The following RALGAPA1 variants were observed in gnomAD, a reference collection of about 807,000 sequenced individuals.
RALGAPA1 encodes ral GTPase-activating protein subunit alpha-1.
Under a neutral mutation model 269.6 loss-of-function variants are expected in RALGAPA1, and 52 were observed. The observed-to-expected ratio is 0.19, with a 90% CI of 0.15 to 0.24. The LOEUF is 0.24. RALGAPA1 is among the 10% of genes least tolerant of loss of function. The pLI is 1.00. For missense variants in RALGAPA1, 1,917 were observed against 3,013.9 expected, an observed-to-expected ratio of 0.64 and a Z score of 8.52; for synonymous variants, 817 against 1,008.3, an observed-to-expected ratio of 0.81 and a Z score of 3.60.
chr14:35,594,094 C>T (rs1221827892), intron 37 of RALGAPA1, among the ~76,000 whole-genome samples: 2 of 152,080 alleles, frequency 1.3e-5, no homozygotes, highest in Middle Eastern at 3.4e-3. Flanking sequence ...AAGAATAAAA[C>T]TGAATCCTTA....
At chr14:35,690,281 G>GC (rs1336068064) in intron 17 of RALGAPA1, among the ~76,000 whole-genome samples, 1 of 152,146 alleles carries the variant, frequency 6.6e-6, no homozygotes, top group Non-Finnish European at 1.5e-5. Flanking sequence ...ATTTGGAAGT[G>GC]CAGATAAAGA....
intron 37 of RALGAPA1, among the ~76,000 whole-genome samples, chr14:35,589,185 A>G (rs2058486880): frequency 6.6e-6 from 1 of 152,208 alleles, no homozygotes; most frequent in African/African-American, 2.4e-5. Flanking sequence ...TTCATTATAA[A>G]TTTGATGATA....
At chr14:35,677,925 T>G in intron 22 of RALGAPA1, 25 bp downstream of exon 22, 1 of 1,608,810 alleles carries the variant, frequency 6.2e-7, no homozygotes, top group Non-Finnish European at 8.5e-7. Flanking sequence ...AGAAAAAAGG[T>G]AAATATCTAA....
At chr14:35,792,817 GAGAAAGAAAGAA>G (rs72124498) in intron 1 of RALGAPA1, among the ~76,000 whole-genome samples, 3 of 119,774 alleles carry the variant, frequency 2.5e-5, no homozygotes, top group Non-Finnish European at 5.0e-5. Flanking sequence ...AAGAAAGAAA[GAGAAAGAAAGAA>G]AGAAAGAAAG....
intron 1 of RALGAPA1, among the ~76,000 whole-genome samples, chr14:35,799,539 G>A (rs143998361): frequency 0.022 from 3,335 of 150,826 alleles, 124 homozygotes; most frequent in South Asian, 0.14. Context: ...TCCAGCCTGG[G>A]CAACAGAGCG....
At chr14:35,660,710 G>C (rs1451216432) in intron 27 of RALGAPA1, among the ~76,000 whole-genome samples, 1 of 151,984 alleles carries the variant, frequency 6.6e-6, no homozygotes, top group Non-Finnish European at 1.5e-5. Flanking sequence ...GTCCCTTGAA[G>C]GACTAATGGA....
chr14:35,741,210 C>T (rs2071513861), intron 11 of RALGAPA1, among the ~76,000 whole-genome samples: 1 of 152,000 alleles, frequency 6.6e-6, no homozygotes, highest in Admixed American at 6.6e-5. Flanking sequence ...GGGGTAGGCT[C>T]ATTATATATG....
intron 33 of RALGAPA1, among the ~76,000 whole-genome samples, chr14:35,632,500 T>C (rs879425976): frequency 2.0e-5 from 3 of 152,194 alleles, no homozygotes; most frequent in Non-Finnish European, 4.4e-5. Context: ...TTCACTGCAC[T>C]GTAATAGAAC....
chr14:35,715,143 T>C lies in RALGAPA1; in HGVS notation c.2266+6545A>G, dbSNP rs2068702259. On this transcript the variant is annotated intron_variant, in intron 16 of 41. Coordinates refer to ENST00000680220, the MANE Select transcript of RALGAPA1 (RefSeq NM_001346249.2). ...GCTTTAATAAATTCTCTGTCATTCTTGAAATACTGCCTCTCCTTCATTCTC... is the reference window on the plus strand; with the variant it reads ...GCTTTAATAAATTCTCTGTCATTCTCGAAATACTGCCTCTCCTTCATTCTC... Among the ~76,000 whole-genome samples, 3 of 152,280 alleles carry C rather than the reference T, an allele frequency of 2.0e-5. No homozygotes were observed. The South Asian group carries it at 6.2e-4, about 32-fold the overall frequency.
At chr14:35,792,072 AT>A (rs1228090717) in intron 1 of RALGAPA1, among the ~76,000 whole-genome samples, 3 of 152,166 alleles carry the variant, frequency 2.0e-5, no homozygotes. Flanking sequence ...CAGATAACAG[AT>A]TGCCTTAAAT....
intron 13 of RALGAPA1, among the ~76,000 whole-genome samples, chr14:35,727,916 T>G (rs539440446): frequency 6.6e-6 from 1 of 152,310 alleles, no homozygotes; most frequent in Non-Finnish European, 1.5e-5. Flanking sequence ...AGCAGGATCT[T>G]ATCCTGAAAG....
chr14:35,620,111 A>G (rs550171785), intron 35 of RALGAPA1, among the ~76,000 whole-genome samples: 7 of 152,324 alleles, frequency 4.6e-5, no homozygotes, highest in African/African-American at 1.4e-4. Context: ...AAAATCCTCA[A>G]TGAAATACTG....
At chr14:35,808,624 C>CA (rs1178421978) in intron 1 of RALGAPA1, 106 bp downstream of exon 1, 9 of 1,233,214 alleles carry the variant, frequency 7.3e-6, no homozygotes, top group Non-Finnish European at 9.1e-6. Flanking sequence ...CTACGATTTG[C>CA]CCTCTCCTGC....
At chr14:35,753,320 A>C (rs906494815) in intron 7 of RALGAPA1, among the ~76,000 whole-genome samples, 1 of 152,166 alleles carries the variant, frequency 6.6e-6, no homozygotes, top group Non-Finnish European at 1.5e-5. Context: ...TGAGATAAAT[A>C]AGTAAGTAAA....
chr14:35,774,206 A>G (rs1262920750), intron 3 of RALGAPA1, among the ~76,000 whole-genome samples: 1 of 152,180 alleles, frequency 6.6e-6, no homozygotes, highest in Non-Finnish European at 1.5e-5. Context: ...TTGAACCACC[A>G]CATACAGCCA....
At chr14:35,567,916 C>T (rs528812733) in intron 39 of RALGAPA1, among the ~76,000 whole-genome samples, 90 of 152,250 alleles carry the variant, frequency 5.9e-4, no homozygotes, top group Non-Finnish European at 9.6e-4. Flanking sequence ...GCTCCACTTT[C>T]AATTGCACCT....
chr14:35,712,053 C>T (rs1412317283), intron 16 of RALGAPA1, among the ~76,000 whole-genome samples: 1 of 152,048 alleles, frequency 6.6e-6, no homozygotes, highest in Non-Finnish European at 1.5e-5. Flanking sequence ...TTGAGACCAG[C>T]CTGGCCAACA....
At chr14:35,775,105 T>C (rs760182431) in intron 2 of RALGAPA1, 50 bp from the exon 3 acceptor site, 3 of 1,023,512 alleles carry the variant, frequency 2.9e-6, no homozygotes, top group Non-Finnish European at 3.0e-6. Flanking sequence ...TTTGTCCTCA[T>C]AATGAACTTA....
chr14:35,623,164 G>A (rs1267268901), intron 35 of RALGAPA1, among the ~76,000 whole-genome samples: 2 of 150,700 alleles, frequency 1.3e-5, no homozygotes, highest in Non-Finnish European at 2.9e-5. Context: ...AACTGTTTAA[G>A]CACAACAAAT....
Sources: allele counts gnomAD v4.1 joint callset (sites outside exome capture counted in the v4.1 genomes callset), GRCh38; gene constraint gnomAD v4.1.1; transcripts MANE v1.5; gene names NCBI Gene and HGNC (gene_info 2026-07-23, HGNC 2026-07-21).